Variants in DOCK8 observed in about 807,000 individuals in gnomAD.
DOCK8 encodes dedicator of cytokinesis 8, also known as dedicator of cytokinesis protein 8.
Under a neutral mutation model 245.6 loss-of-function variants are expected in DOCK8, and 141 were observed. The observed-to-expected ratio is 0.57, with a 90% CI of 0.50 to 0.66. DOCK8 has a LOEUF of 0.66. Ranked by LOEUF, DOCK8 falls within the 30% of genes least tolerant of loss-of-function variation. The pLI is 0.00. For missense variants in DOCK8, 2,965 were observed against 2,603.4 expected (o/e 1.14, Z -3.02); for synonymous variants, 1,168 against 970.2 (o/e 1.20, Z -3.79).
chr9:304,324 C>T (rs979295118), intron 4 of DOCK8, among the ~76,000 whole-genome samples: 10 of 152,192 alleles, frequency 6.6e-5, no homozygotes, highest in Non-Finnish European at 1.5e-4. Flanking sequence ...AATGACCGCA[C>T]CTCTGAAGTG....
intron 9 of DOCK8, among the ~76,000 whole-genome samples, chr9:331,489 C>T (rs566952841): frequency 1.3e-5 from 2 of 152,306 alleles, no homozygotes; most frequent in African/African-American, 2.4e-5. Flanking sequence ...TTGTGCCTAA[C>T]TCACAGCACC....
intron 9 of DOCK8, among the ~76,000 whole-genome samples, chr9:328,941 C>CTTTTTTTT (rs1165346763): frequency 4.2e-5 from 3 of 71,348 alleles, no homozygotes; most frequent in African/African-American, 5.7e-5. Flanking sequence ...CTTATTGATT[C>CTTTTTTTT]TTTTTTTTTT....
chr9:327,921 T>C (rs1005604993), intron 8 of DOCK8, 101 bp from the exon 9 acceptor site: 53 of 1,146,784 alleles, frequency 4.6e-5, no homozygotes, highest in South Asian at 1.5e-4. Context: ...CACTTACTCC[T>C]TCAGCAAAAT....
Position 334,213 on chromosome 9 carries a change from A to G in DOCK8, c.1126-12A>G, listed in dbSNP as rs532153972. 8.1e-5 allele frequency: 131 copies of G among 1,613,908 alleles called. No homozygotes were observed. The South Asian group carries it at 1.3e-3, about 16-fold the overall frequency. On this transcript the variant is annotated splice_polypyrimidine_tract_variant and intron_variant, in intron 10 of 47. Coordinates refer to ENST00000432829, the MANE Select transcript of DOCK8 (RefSeq NM_203447.4). ...TGCTTGTTTCAGCTTGTTTCTTTCC[A>G]TTTTCCTCCAGAGTAAAGAAAAGAT...
chr9:215,091 A>G (rs772847487), intron 1 of DOCK8, 62 bp downstream of exon 1: 78 of 1,520,246 alleles, frequency 5.1e-5, no homozygotes, highest in Middle Eastern at 3.8e-4. Flanking sequence ...TGTGAAGCGG[A>G]GCTTCGCTGC....
In DOCK8 at chr9:312,264, G is replaced by A. The variant is rs12339042; in HGVS notation, c.741+98G>A. On this transcript the variant is annotated intron_variant, in intron 6 of 47. Coordinates refer to ENST00000432829, the MANE Select transcript of DOCK8 (RefSeq NM_203447.4). ...CATTATTACTATATAGCAGCCCATG[G>A]TGTCAGGGCTCACTTGTATGATTTC... 0.038 allele frequency: 52,839 copies of A among 1,385,212 alleles called. 1,387 individuals carry two copies. The highest frequency in any genetic ancestry group is 0.11 in the African/African-American group (7,373 of 70,016). The allele number at this position is 1,385,212 out of a possible 1,614,324, so 85.8% of individuals were successfully genotyped here.
At position 399,337 on chromosome 9, in the gene DOCK8, C is replaced by T. The variant is rs995704246; in HGVS notation, c.3234+78C>T. 22 of 1,027,984 alleles carry T rather than the reference C, an allele frequency of 2.1e-5. No homozygotes were observed. In the Admixed American group the frequency reaches 3.1e-4, roughly 14 times the overall value. The allele number at this position is 1,027,984 out of a possible 1,614,324, so 63.7% of individuals were successfully genotyped here. On this transcript the variant is annotated intron_variant, in intron 26 of 47. Coordinates refer to ENST00000432829, the MANE Select transcript of DOCK8 (RefSeq NM_203447.4). ...TATAATGTGATGTTCGTTGCCATGGCACGCTGTCTTCTTCATTACTGAGTT... is the reference window on the plus strand; with the variant it reads ...TATAATGTGATGTTCGTTGCCATGGTACGCTGTCTTCTTCATTACTGAGTT...
upstream of DOCK8, chr9:212,817 C>G (rs1345176619): frequency 1.3e-5 from 2 of 152,168 alleles, no homozygotes; most frequent in Non-Finnish European, 2.9e-5. Flanking sequence ...TGCTGAAAAT[C>G]TGAGATGCTT....
chr9:314,827 T>G (rs1031682505), intron 6 of DOCK8, among the ~76,000 whole-genome samples: 1 of 152,184 alleles, frequency 6.6e-6, no homozygotes, highest in Non-Finnish European at 1.5e-5. Flanking sequence ...TATCATTACT[T>G]GATTTCCCTG....
At chr9:248,640 T>G (rs1025753377) in intron 1 of DOCK8, among the ~76,000 whole-genome samples, 1 of 152,040 alleles carries the variant, frequency 6.6e-6, no homozygotes, top group African/African-American at 2.4e-5. Flanking sequence ...TTTCTTACTT[T>G]TGATGTAGCT....
intron 1 of DOCK8, among the ~76,000 whole-genome samples, chr9:222,298 C>G (rs1399366443): frequency 6.6e-6 from 1 of 152,022 alleles, no homozygotes; most frequent in East Asian, 1.9e-4. Context: ...GAGATAGGTT[C>G]TGACTTTTCA....
intron 28 of DOCK8, among the ~76,000 whole-genome samples, chr9:412,387 A>T (rs535439174): frequency 2.7e-5 from 4 of 148,052 alleles, no homozygotes; most frequent in African/African-American, 1.0e-4. Flanking sequence ...CCTGGGCCAC[A>T]GAGTAAGACC....
chr9:224,252 A>G (rs536594720), intron 1 of DOCK8, among the ~76,000 whole-genome samples: 4 of 152,118 alleles, frequency 2.6e-5, no homozygotes, highest in Non-Finnish European at 5.9e-5. Context: ...TCACCAGGAA[A>G]TTTTTCAAAA....
chr9:244,761 G>C (rs894448805), intron 1 of DOCK8, among the ~76,000 whole-genome samples: 6 of 152,174 alleles, frequency 3.9e-5, no homozygotes, highest in Non-Finnish European at 8.8e-5. Context: ...CAGTTGTGGA[G>C]GTTTGAAGCT....
chr9:270,501 G>A (rs1279119919), intron 1 of DOCK8, among the ~76,000 whole-genome samples: 2 of 152,202 alleles, frequency 1.3e-5, no homozygotes, highest in African/African-American at 4.8e-5. Context: ...TGGGACAAGA[G>A]CCCAGTTTCC....
intron 1 of DOCK8, among the ~76,000 whole-genome samples, chr9:233,612 T>G (rs994207090): frequency 6.6e-6 from 1 of 152,124 alleles, no homozygotes; most frequent in African/African-American, 2.4e-5. Context: ...TTAGGATAGT[T>G]AGCTCTTCTT....
chr9:458,766 A>G (rs1233362974), intron 46 of DOCK8, among the ~76,000 whole-genome samples: 1 of 152,116 alleles, frequency 6.6e-6, no homozygotes. Context: ...AGCTGAGATC[A>G]TGCCACTGCC....
At chr9:274,211 A>G (rs1486626618) in intron 2 of DOCK8, among the ~76,000 whole-genome samples, 2 of 152,192 alleles carry the variant, frequency 1.3e-5, no homozygotes, top group East Asian at 1.9e-4. Flanking sequence ...TTAGCTGTCC[A>G]TTTTCTAAGA....
chr9:399,409 C>T, intron 26 of DOCK8, 150 bp downstream of exon 26: 3 of 697,164 alleles, frequency 4.3e-6, no homozygotes, highest in Admixed American at 2.0e-5. Context: ...TCCCTCATGT[C>T]TGTGCCATGG....
Sources: allele counts gnomAD v4.1 joint callset (sites outside exome capture counted in the v4.1 genomes callset), GRCh38; gene constraint gnomAD v4.1.1; transcripts MANE v1.5; gene names NCBI Gene and HGNC (gene_info 2026-07-23, HGNC 2026-07-21).